ACSS3: variants seen among roughly 807,000 people sequenced by gnomAD.
ACSS3 encodes acyl-CoA synthetase short chain family member 3, also known as acyl-CoA synthetase short-chain family member 3, mitochondrial.
A neutral mutation model predicts 84.2 loss-of-function variants in ACSS3; 64 were observed. The ratio of observed to expected loss-of-function variants is 0.76; its 90% CI spans 0.62 to 0.94. The LOEUF (loss-of-function observed/expected upper bound fraction) is 0.94, where lower values mean the gene tolerates loss of function less well. ACSS3 is among the 40% of genes least tolerant of loss of function. The pLI is 0.00. For synonymous variants in ACSS3, 317 were observed against 310.1 expected, an observed-to-expected ratio of 1.02 and a Z score of -0.23; for missense variants, 815 against 867.6, an observed-to-expected ratio of 0.94 and a Z score of 0.76.
At chr12:81,079,461 G>A (rs560338100) in intron 1 of ACSS3, among the ~76,000 whole-genome samples, 2 of 152,162 alleles carry the variant, frequency 1.3e-5, no homozygotes, top group Non-Finnish European at 2.9e-5. Flanking sequence ...TGGACGAATG[G>A]CTCTGTGGTC....
In ACSS3 at chr12:81,139,639, A is replaced by T. The variant is rs865898810; in HGVS notation, c.780+374A>T. ...ATATAAAATAATAATAATAATAATT[A>T]TTGTTATTTTTTTTTGAGACAGAGT... On this transcript the variant is annotated intron_variant, in intron 4 of 15. Coordinates refer to ENST00000548058, the MANE Select transcript of ACSS3 (RefSeq NM_024560.4). Among the ~76,000 whole-genome samples the T allele has an allele frequency of 4.4e-5, 5 of 113,838 alleles. No homozygotes were observed. In the South Asian group the frequency reaches 1.3e-3, roughly 30 times the overall value. The allele number at this position is 113,838 out of a possible 152,430, so 74.7% of individuals were successfully genotyped here.
intron 13 of ACSS3, among the ~76,000 whole-genome samples, chr12:81,252,678 GATAGA>G (rs1317954600): frequency 3.8e-4 from 58 of 152,064 alleles, no homozygotes; most frequent in Admixed American, 1.5e-3. Context: ...TTTGATTTCA[GATAGA>G]TACCAGCTTT....
chr12:81,090,793 T>C (rs776859438), intron 1 of ACSS3, among the ~76,000 whole-genome samples: 2 of 151,992 alleles, frequency 1.3e-5, no homozygotes, highest in African/African-American at 2.4e-5. Context: ...AATACATATA[T>C]ACTGCAAGTA....
intron 3 of ACSS3, among the ~76,000 whole-genome samples, chr12:81,135,766 G>A (rs1009924465): frequency 1.3e-5 from 2 of 151,942 alleles, no homozygotes; most frequent in African/African-American, 4.8e-5. Context: ...CAGACTTCAA[G>A]CTATTTAAAT....
intron 2 of ACSS3, among the ~76,000 whole-genome samples, chr12:81,121,131 A>G (rs1884558139): frequency 1.3e-5 from 2 of 152,206 alleles, no homozygotes; most frequent in Non-Finnish European, 2.9e-5. Flanking sequence ...CAAGTTCTCT[A>G]TGAGACCTTC....
intron 13 of ACSS3, among the ~76,000 whole-genome samples, chr12:81,244,128 T>A (rs1193690912): frequency 6.6e-6 from 1 of 152,136 alleles, no homozygotes; most frequent in Non-Finnish European, 1.5e-5. Flanking sequence ...AATTCTGTAA[T>A]TCTAGAATTA....
At chr12:81,143,658 T>G (rs1199242701) in intron 5 of ACSS3, among the ~76,000 whole-genome samples, 1 of 152,102 alleles carries the variant, frequency 6.6e-6, no homozygotes, top group Non-Finnish European at 1.5e-5. Context: ...ATAAGTTTCA[T>G]GCAGTATAGA....
At chr12:81,254,830 T>A (rs1462534770) in intron 15 of ACSS3, 27 bp from the exon 16 acceptor site, 2 of 1,568,044 alleles carry the variant, frequency 1.3e-6, no homozygotes, top group Admixed American at 3.6e-5. Context: ...AGGAAGAGTA[T>A]TCACCTGACC....
At chr12:81,161,530 A>G (rs892123880) in intron 7 of ACSS3, among the ~76,000 whole-genome samples, 17 of 152,366 alleles carry the variant, frequency 1.1e-4, no homozygotes, top group African/African-American at 4.1e-4. Flanking sequence ...TGAAAACTTC[A>G]TAGTATTCAG....
At chr12:81,182,445 C>T (rs975001086) in intron 8 of ACSS3, among the ~76,000 whole-genome samples, 5 of 152,050 alleles carry the variant, frequency 3.3e-5, no homozygotes, top group African/African-American at 1.2e-4. Flanking sequence ...TGAATACATA[C>T]AAAAGTATAA....
chr12:81,214,011 T>C (rs1229793686), intron 9 of ACSS3, among the ~76,000 whole-genome samples: 6 of 103,708 alleles, frequency 5.8e-5, no homozygotes, highest in African/African-American at 2.2e-4. Context: ...TTCTTTCATC[T>C]GTCTGTCTGT....
intron 7 of ACSS3, among the ~76,000 whole-genome samples, chr12:81,174,384 A>C (rs887845573): frequency 6.6e-6 from 1 of 152,140 alleles, no homozygotes; most frequent in Non-Finnish European, 1.5e-5. Flanking sequence ...TTTTTCTCAA[A>C]TGTTTTGAGA....
At chr12:81,087,530 A>G (rs373951164) in intron 1 of ACSS3, among the ~76,000 whole-genome samples, 100 of 150,118 alleles carry the variant, frequency 6.7e-4, no homozygotes, top group South Asian at 2.3e-3. Context: ...AAAATTTAGT[A>G]AGACTAAAAA....
At position 81,081,544 on chromosome 12, in the gene ACSS3, G is replaced by A. The variant is rs182316968; in HGVS notation, c.311+3113G>A. Among the ~76,000 whole-genome samples the A allele has an allele frequency of 1.7e-3, 262 of 152,204 alleles. 1 individual carries two copies. The highest frequency in any genetic ancestry group is 5.1e-3 in the African/African-American group (210 of 41,518). On this transcript the variant is annotated intron_variant, in intron 1 of 15. Transcript: ENST00000548058. ...GTGGAAGTTTCTGGTTATTTTCTCC[G>A]GATAGACATCCTGCTGCCTGTCCTG...
Position 81,259,347 on chromosome 12 carries a change from C to A in ACSS3, c.*4425C>A, listed in dbSNP as rs776740118. The A allele has an allele frequency of 1.1e-5, 6 of 522,850 alleles. No individual in the cohort carries two copies. The highest frequency in any genetic ancestry group is 1.1e-4 in the South Asian group (6 of 56,808). 32.4% of individuals were successfully genotyped at this position (522,850 alleles called of 1,614,324 possible). A position where few individuals can be genotyped will look rare whatever the true frequency, so the allele number is the denominator to read the frequency against. ...AGACTTACACATTTAAAAAGAAATG[C>A]ACGGTAATACATAAATGCCTAGTAT... On this transcript the variant is annotated 3_prime_UTR_variant, in exon 16 of 16. Coordinates refer to ENST00000548058, the MANE Select transcript of ACSS3 (RefSeq NM_024560.4).
chr12:81,189,124 G>A (rs11114784), intron 8 of ACSS3, among the ~76,000 whole-genome samples: 1 of 152,170 alleles, frequency 6.6e-6, no homozygotes, highest in East Asian at 1.9e-4. Context: ...TTCTCTATCA[G>A]ATCAGCAGTT....
At chr12:81,135,064 T>A in intron 3 of ACSS3, 60 bp downstream of exon 3, 1 of 1,362,140 alleles carries the variant, frequency 7.3e-7, no homozygotes, top group Non-Finnish European at 9.9e-7. Flanking sequence ...CATATTTATC[T>A]GTGGATGAAT....
intron 3 of ACSS3, among the ~76,000 whole-genome samples, chr12:81,137,296 G>A (rs931759961): frequency 2.0e-5 from 3 of 149,468 alleles, no homozygotes; most frequent in African/African-American, 7.4e-5. Flanking sequence ...AACTTATGGT[G>A]TACCACTTAA....
intron 13 of ACSS3, among the ~76,000 whole-genome samples, chr12:81,251,618 G>GC (rs935824996): frequency 1.4e-5 from 2 of 142,324 alleles, no homozygotes; most frequent in Non-Finnish European, 3.0e-5. Flanking sequence ...GATTGCTTGA[G>GC]CCCAGGAGTT....
Sources: allele counts gnomAD v4.1 joint callset (sites outside exome capture counted in the v4.1 genomes callset), GRCh38; gene constraint gnomAD v4.1.1; transcripts MANE v1.5; gene names NCBI Gene and HGNC (gene_info 2026-07-23, HGNC 2026-07-21).